Variants in C6orf89 observed in about 807,000 individuals in gnomAD.
C6orf89 encodes bombesin receptor-activated protein C6orf89.
In C6orf89, 29 loss-of-function variants were observed where a neutral mutation model predicts 40.7. The observed-to-expected ratio is 0.71, with a 90% CI of 0.53 to 0.97. The LOEUF (loss-of-function observed/expected upper bound fraction) is 0.97. Among genes scored for constraint, C6orf89 ranks in the 50% least tolerant of loss-of-function variants. The pLI is 0.00. For missense variants in C6orf89, 392 were observed against 429.1 expected (o/e 0.91, Z 0.76); for synonymous variants, 165 against 152.2 (o/e 1.08, Z -0.62).
intron 1 of C6orf89, among the ~76,000 whole-genome samples, chr6:36,889,324 T>C (rs979504413): frequency 2.0e-5 from 3 of 152,060 alleles, no homozygotes; most frequent in African/African-American, 7.2e-5. Flanking sequence ...GAGGCAGAAA[T>C]ATGATTTCAA....
At chr6:36,894,899 A>C (rs1761365884) in intron 2 of C6orf89, among the ~76,000 whole-genome samples, 1 of 152,040 alleles carries the variant, frequency 6.6e-6, no homozygotes, top group African/African-American at 2.4e-5. Context: ...TTAGAGCGAG[A>C]CTCTAAAATT....
At chr6:36,922,108 G>A (rs1228503464) in intron 8 of C6orf89, among the ~76,000 whole-genome samples, 2 of 152,186 alleles carry the variant, frequency 1.3e-5, no homozygotes, top group East Asian at 1.9e-4. Flanking sequence ...AGGTCAAGGC[G>A]GGCAGATCAC....
At chr6:36,873,458 G>GA (rs1391078380) in intron 1 of C6orf89, among the ~76,000 whole-genome samples, 2 of 151,884 alleles carry the variant, frequency 1.3e-5, no homozygotes, top group Admixed American at 1.3e-4. Context: ...CCATTTTTTT[G>GA]TTAAAAAAAC....
chr6:36,919,062 A>AATAAC (rs1762421567), intron 7 of C6orf89, among the ~76,000 whole-genome samples: 1 of 152,236 alleles, frequency 6.6e-6, no homozygotes, highest in Non-Finnish European at 1.5e-5. Context: ...GGTAGTAAGA[A>AATAAC]ATAACATTCC....
In C6orf89 at chr6:36,915,079, G is replaced by A. The variant is rs140930164; in HGVS notation, c.695+386G>A. ...CTGCAAAACAGTAATAGCTATCACT[G>A]AGCCACTACCACAGGCCCAACACTT... On this transcript the variant is annotated intron_variant, in intron 6 of 8. Coordinates refer to ENST00000480824, the MANE Select transcript of C6orf89 (RefSeq NM_001286635.2). Among the ~76,000 whole-genome samples the A allele has an allele frequency of 5.9e-3, 905 of 152,260 alleles. 2 individuals carry two copies. Among genetic ancestry groups the A allele is most frequent in the African/African-American group, 0.012 (483 of 41,548 alleles).
Position 36,902,313 on chromosome 6 carries a change from T to G in C6orf89, c.282T>G (p.Ala94=). The part of the protein sequence containing the change: ...PLAPEPVLSG[A]HTWRSLIHHI... ...CACCTGAGCCAGTGCTTTCTGGAGC[T>G]CACACCTGGCGCTCACTCATCCATC... Residue 94 remains alanine (A), a synonymous_variant, in exon 4 of 9, where the codon GCT becomes GCG. Coordinates refer to ENST00000480824, the MANE Select transcript of C6orf89 (RefSeq NM_001286635.2). The G allele has an allele frequency of 6.2e-7, 1 of 1,614,192 alleles. No individual in the cohort carries two copies.
Position 36,928,162 on chromosome 6 carries a change from A to G in C6orf89, c.*4721A>G, listed in dbSNP as rs943735044. The G allele has an allele frequency of 6.6e-6, 1 of 152,226 alleles. No homozygotes were observed. The highest frequency in any genetic ancestry group is 2.4e-5 in the African/African-American group (1 of 41,444). 9.4% of individuals were successfully genotyped at this position (152,226 alleles called of 1,614,324 possible). A position where few individuals can be genotyped will look rare whatever the true frequency, so the allele number is the denominator to read the frequency against. Reference sequence around the variant, plus strand: ...TTACATAACTAAGTGGAGGCCTGGAACTGTCAGGATTTGACAGGGCTGGAC... The same window carrying G: ...TTACATAACTAAGTGGAGGCCTGGAGCTGTCAGGATTTGACAGGGCTGGAC... On this transcript the variant is annotated 3_prime_UTR_variant, in exon 9 of 9. Transcript: ENST00000480824.
At chr6:36,906,735 A>G (rs1761940696) in intron 4 of C6orf89, among the ~76,000 whole-genome samples, 1 of 152,080 alleles carries the variant, frequency 6.6e-6, no homozygotes, top group Non-Finnish European at 1.5e-5. Context: ...AGCCTCCTTC[A>G]TTGTCAAGGC....
chr6:36,874,679 G>T, intron 1 of C6orf89: 1 of 1,609,448 alleles, frequency 6.2e-7, no homozygotes, highest in East Asian at 2.2e-5. Context: ...CGGGCTCCGC[G>T]TCTCCTCTGC....
upstream of C6orf89, among the ~76,000 whole-genome samples, chr6:36,884,044 C>T (rs569508835): frequency 3.3e-5 from 5 of 152,288 alleles, no homozygotes; most frequent in African/African-American, 1.2e-4. The surrounding 1 kb of genome is among the most constrained non-coding windows in gnomAD (Gnocchi z 4.0). Flanking sequence ...GGCGGATCCC[C>T]TGAGGTCAGG....
At position 36,885,992 on chromosome 6, in the gene C6orf89, C is replaced by A; in HGVS notation, c.-156C>A. 1.7e-6 allele frequency: 2 copies of A among 1,176,288 alleles called. No individual in the cohort carries two copies. Among genetic ancestry groups the A allele is most frequent in the South Asian group, 3.1e-5 (1 of 32,526 alleles). 72.9% of individuals were successfully genotyped at this position (1,176,288 alleles called of 1,614,324 possible). On this transcript the variant is annotated 5_prime_UTR_variant, in exon 1 of 9. Coordinates refer to ENST00000480824, the MANE Select transcript of C6orf89 (RefSeq NM_001286635.2). Reference sequence around the variant, plus strand: ...CTCCTCGCCCGGCGGCAGCTGTCCCCGAGGCGGGAGGAGCCCGAGGGGCGC... The same window carrying A: ...CTCCTCGCCCGGCGGCAGCTGTCCCAGAGGCGGGAGGAGCCCGAGGGGCGC...
At chr6:36,871,944 C>G in exon 1 of C6orf89, 1 of 1,322,566 alleles carries the variant, frequency 7.6e-7, no homozygotes, top group Non-Finnish European at 1.0e-6. Flanking sequence ...TGGAACTGCT[C>G]CAGGACTCTT....
At chr6:36,886,998 C>T (rs1448435741) in intron 1 of C6orf89, among the ~76,000 whole-genome samples, 1 of 151,790 alleles carries the variant, frequency 6.6e-6, no homozygotes, top group Admixed American at 6.5e-5. Flanking sequence ...TTTTCAAGAC[C>T]TGCTTTGAAT....
intron 3 of C6orf89, 54 bp from the exon 4 acceptor site, chr6:36,902,167 G>A (rs1761746957): frequency 6.9e-7 from 1 of 1,439,862 alleles, no homozygotes; most frequent in African/African-American, 1.4e-5. Flanking sequence ...TTTTTTTCTT[G>A]GTATTAAGGT....
rs1762638735 is a variant in C6orf89, at chr6:36,925,142, G to T, written c.*1701G>T. Reference sequence around the variant, plus strand: ...GTACGTATGAAAGTCATGTTGTTAAGCAGTTATGATTTAAGAGGTTTTAAG... The same window carrying T: ...GTACGTATGAAAGTCATGTTGTTAATCAGTTATGATTTAAGAGGTTTTAAG... On this transcript the variant is annotated 3_prime_UTR_variant, in exon 9 of 9. Coordinates refer to ENST00000480824, the MANE Select transcript of C6orf89 (RefSeq NM_001286635.2). 1 of 152,194 alleles carries T rather than the reference G, an allele frequency of 6.6e-6. No homozygotes were observed. The highest frequency in any genetic ancestry group is 6.5e-5 in the Admixed American group (1 of 15,284). The allele number at this position is 152,194 out of a possible 1,614,324, so 9.4% of individuals were successfully genotyped here.
At chr6:36,893,208 A>G (rs1761287694) in intron 1 of C6orf89, among the ~76,000 whole-genome samples, 1 of 151,856 alleles carries the variant, frequency 6.6e-6, no homozygotes, top group Non-Finnish European at 1.5e-5. Context: ...TGCTGGGATT[A>G]CAGGCGTGAG....
At chr6:36,901,875 G>A (rs1273745220) in intron 3 of C6orf89, among the ~76,000 whole-genome samples, 1 of 151,236 alleles carries the variant, frequency 6.6e-6, no homozygotes, top group East Asian at 2.0e-4. Flanking sequence ...GTTTCACCGT[G>A]TTAGCCAGGA....
Position 36,899,629 on chromosome 6 carries a change from A to G in C6orf89, c.185A>G (p.Tyr62Cys), listed in dbSNP as rs762067759. The change falls in exon 3 of 9, where the codon TAT (tyrosine) becomes TGT (cysteine). Residue 62 changes from tyrosine (Y) to cysteine (C), a missense_variant. Coordinates refer to ENST00000480824, the MANE Select transcript of C6orf89 (RefSeq NM_001286635.2). ...PPQYPLLIVV[Y>C]KVLATLGLIL... ...CAGTATCCTCTCCTTATAGTTGTGT[A>G]TAAGGTAAAATGTTTCCTGAGTTGG... 1.9e-6 allele frequency: 3 copies of G among 1,614,012 alleles called. No individual in the cohort carries two copies. Among genetic ancestry groups the G allele is most frequent in the South Asian group, 1.1e-5 (1 of 91,072 alleles).
upstream of C6orf89, among the ~76,000 whole-genome samples, chr6:36,882,655 T>C (rs1269068761): frequency 6.6e-6 from 1 of 152,186 alleles, no homozygotes; most frequent in East Asian, 1.9e-4. Context: ...CAGATGCGTT[T>C]GGCTACCTGA....
Sources: gnomAD v4.1 joint callset for allele counts (sites outside exome capture counted in the v4.1 genomes callset) on GRCh38, gnomAD v4.1.1 for gene constraint, Gnocchi (gnomAD v3.1) non-coding constraint, MANE v1.5 for transcripts, NCBI Gene and HGNC (gene_info 2026-07-23, HGNC 2026-07-21) for gene names.